The following REEP1 variants were observed in gnomAD, a reference collection of about 807,000 sequenced individuals.
REEP1 encodes receptor expression-enhancing protein 1.
REEP1 carries 22 observed loss-of-function variants against 40.3 expected under a neutral mutation model. That is an observed-to-expected ratio of 0.55 (90% CI 0.39 to 0.78). The LOEUF (loss-of-function observed/expected upper bound fraction) is 0.78, where lower values mean the gene tolerates loss of function less well. REEP1 is among the 30% of genes least tolerant of loss of function. The probability of loss-of-function intolerance (pLI) is 0.00; values close to 1 mark genes in which losing one functional copy is unlikely to be tolerated. For missense variants in REEP1, 280 were observed against 361.1 expected (o/e 0.78, Z 1.82); for synonymous variants, 116 against 139.2 (o/e 0.83, Z 1.17).
At chr2:86,321,688 T>C (rs1024139599) in intron 1 of REEP1, among the ~76,000 whole-genome samples, 5 of 152,218 alleles carry the variant, frequency 3.3e-5, no homozygotes, top group African/African-American at 1.2e-4. Flanking sequence ...CCACTTAGAC[T>C]AAAGACCAAA....
chr2:86,311,226 T>C (rs1679748610), intron 1 of REEP1, among the ~76,000 whole-genome samples: 1 of 151,994 alleles, frequency 6.6e-6, no homozygotes, highest in African/African-American at 2.4e-5. Flanking sequence ...AAGAGAAAAA[T>C]ACCGGGAGCC....
At chr2:86,294,381 C>T (rs145057099) in intron 1 of REEP1, among the ~76,000 whole-genome samples, 1,821 of 152,148 alleles carry the variant, frequency 0.012, 16 homozygotes, top group Middle Eastern at 0.041. Context: ...TCAAAATCAT[C>T]CATAGTTAAA....
intron 5 of REEP1, among the ~76,000 whole-genome samples, chr2:86,240,665 G>T (rs567272696): frequency 9.9e-5 from 15 of 152,266 alleles, no homozygotes; most frequent in African/African-American, 3.4e-4. Flanking sequence ...GCCTAAACTT[G>T]GTTTTTGACA....
intron 1 of REEP1, among the ~76,000 whole-genome samples, chr2:86,321,742 T>C (rs988726494): frequency 6.6e-6 from 1 of 152,198 alleles, no homozygotes; most frequent in Non-Finnish European, 1.5e-5. Context: ...TAAAATATAA[T>C]ATCATTCATT....
chr2:86,266,655 A>T (rs551626865), intron 2 of REEP1, among the ~76,000 whole-genome samples: 108 of 148,038 alleles, frequency 7.3e-4, no homozygotes, highest in African/African-American at 2.2e-3. Context: ...AAAAATAAAA[A>T]AAATAAAATA....
chr2:86,283,894 G>A (rs532199689), intron 1 of REEP1, among the ~76,000 whole-genome samples: 20 of 152,236 alleles, frequency 1.3e-4, no homozygotes, highest in African/African-American at 3.6e-4. Flanking sequence ...GGCTTCTTGC[G>A]ATCACTGTGC....
intron 1 of REEP1, chr2:86,297,634 T>C (rs1679048466): frequency 1.1e-6 from 1 of 895,660 alleles, no homozygotes; most frequent in African/African-American, 1.8e-5. Context: ...AGAGAGATTC[T>C]CCCCGGGGGT....
intron 1 of REEP1, among the ~76,000 whole-genome samples, chr2:86,291,129 T>C (rs980763935): frequency 6.6e-6 from 1 of 152,142 alleles, no homozygotes; most frequent in African/African-American, 2.4e-5. Flanking sequence ...GTCAAACACA[T>C]GTCTAACTCC....
At chr2:86,312,848 A>T (rs1210306811) in intron 1 of REEP1, among the ~76,000 whole-genome samples, 1 of 152,150 alleles carries the variant, frequency 6.6e-6, no homozygotes, top group African/African-American at 2.4e-5. Context: ...TGGTAAATGG[A>T]TCTAAGTTTT....
rs539426576 is a variant in REEP1 at position 86,310,906 on chromosome 2, CAT to C, written c.32+26571_32+26572del. ...ATGAGTTAAGAAATACAAAAACACA[CAT>C]GATACCTCTGGACAGCTATGTAGGT... On this transcript the variant is annotated intron_variant, in intron 1 of 8. Coordinates refer to ENST00000538924, the MANE Select transcript of REEP1 (RefSeq NM_001371279.1). Among the ~76,000 whole-genome samples the C allele has an allele frequency of 3.2e-4, 49 of 152,314 alleles. 1 individual carries two copies. In the East Asian group the frequency reaches 8.5e-3, roughly 26 times the overall value.
chr2:86,236,146 G>A (rs1157518298), intron 5 of REEP1, among the ~76,000 whole-genome samples: 1 of 151,742 alleles, frequency 6.6e-6, no homozygotes, highest in Non-Finnish European at 1.5e-5. Flanking sequence ...AACCCGGGAG[G>A]TGGAGGTTGC....
chr2:86,241,501 G>A (rs540366147), intron 5 of REEP1, among the ~76,000 whole-genome samples: 39 of 152,182 alleles, frequency 2.6e-4, no homozygotes, highest in Admixed American at 5.2e-4. Flanking sequence ...GGGTGTGAGA[G>A]ACTCTAAAAT....
chr2:86,292,895 T>C (rs1678799112), intron 1 of REEP1, among the ~76,000 whole-genome samples: 1 of 152,062 alleles, frequency 6.6e-6, no homozygotes, highest in Non-Finnish European at 1.5e-5. Flanking sequence ...TTTGAGTGCA[T>C]GTGTCGGTCT....
chr2:86,314,220 T>G (rs1679889769), intron 1 of REEP1, among the ~76,000 whole-genome samples: 1 of 152,192 alleles, frequency 6.6e-6, no homozygotes, highest in South Asian at 2.1e-4. Context: ...CAACCACAGC[T>G]GATCTCATCC....
intron 1 of REEP1, among the ~76,000 whole-genome samples, chr2:86,314,495 G>C (rs539609879): frequency 1.3e-5 from 2 of 151,934 alleles, no homozygotes; most frequent in Admixed American, 1.3e-4. Flanking sequence ...GAGCCAGCTA[G>C]GACAGGAGGC....
chr2:86,324,733 A>G (rs1165032851), intron 1 of REEP1, among the ~76,000 whole-genome samples: 1 of 152,136 alleles, frequency 6.6e-6, no homozygotes, highest in African/African-American at 2.4e-5. Context: ...AATTTATGTT[A>G]TCAAGTAGAA....
At chr2:86,247,904 A>G (rs1676059007) in intron 5 of REEP1, among the ~76,000 whole-genome samples, 3 of 152,180 alleles carry the variant, frequency 2.0e-5, no homozygotes, top group East Asian at 1.9e-4. Flanking sequence ...GTGGTTTACA[A>G]ATTTTTTCCA....
intron 5 of REEP1, among the ~76,000 whole-genome samples, chr2:86,242,859 A>G (rs1396081973): frequency 1.3e-5 from 2 of 152,116 alleles, no homozygotes; most frequent in Non-Finnish European, 2.9e-5. Flanking sequence ...AGGGATGTCA[A>G]ATGGTTAGGG....
rs142208764 is a variant in REEP1 at position 86,231,237 on chromosome 2, G to T, written c.595+1388C>A. On this transcript the variant is annotated intron_variant, in intron 6 of 8. Coordinates refer to ENST00000538924, the MANE Select transcript of REEP1 (RefSeq NM_001371279.1). ...GCCTTTTGGGATTCCATTCCTGGGG[G>T]GGGGTCCCTCGGGGGGTAACCCCTC... is the stretch of plus-strand genomic sequence containing the variant. Among the ~76,000 whole-genome samples the T allele has an allele frequency of 1.7e-3, 262 of 152,306 alleles. 4 individuals carry two copies. The highest frequency in any genetic ancestry group is 6.1e-3 in the African/African-American group (252 of 41,560).
Sources: allele counts gnomAD v4.1 joint callset (sites outside exome capture counted in the v4.1 genomes callset), GRCh38; gene constraint gnomAD v4.1.1; transcripts MANE v1.5; gene names NCBI Gene and HGNC (gene_info 2026-07-23, HGNC 2026-07-21).